Variants in MEGF8 observed in about 807,000 individuals in gnomAD.
MEGF8 encodes multiple EGF like domains 8.
A neutral mutation model predicts 302.9 loss-of-function variants in MEGF8; 156 were observed. The ratio of observed to expected loss-of-function variants is 0.52; its 90% CI spans 0.45 to 0.59. The LOEUF (loss-of-function observed/expected upper bound fraction) is 0.59, where lower values mean the gene tolerates loss of function less well. MEGF8 is among the 20% of genes least tolerant of loss of function. The pLI is 0.00. For missense variants in MEGF8, 3,345 were observed against 3,964.5 expected (o/e 0.84, Z 4.20); for synonymous variants, 1,621 against 1,660.5 (o/e 0.98, Z 0.58).
At position 42,368,476 on chromosome 19, in the gene MEGF8, C is replaced by T. The variant is rs1471300485; in HGVS notation, c.6295C>T (p.Pro2099Ser). ...ACAGTGTCTGAGCCCTTCCTACCTG[C>T]CCCTGCGATGTATGGCCGGAGGCTG... ...LQQCLSPSYL[P>S]LRCMAGGCGR... The change falls in exon 36 of 42, where the codon CCC (proline) becomes TCC (serine). Residue 2099 changes from proline (P) to serine (S), a missense_variant. By Grantham distance (74) the Pro-to-Ser change is moderately conservative. Transcript: ENST00000251268. This position sits in a 1 kb window ranked among gnomAD's most constrained non-coding sequence, Gnocchi z 4.9. The T allele has an allele frequency of 4.3e-6, 7 of 1,609,254 alleles. No homozygotes were observed. The highest frequency in any genetic ancestry group is 5.9e-6 in the Non-Finnish European group (7 of 1,178,494).
chr19:42,344,335 A>G lies in MEGF8; in HGVS notation c.1789-106A>G. On this transcript the variant is annotated intron_variant, in intron 10 of 41. Coordinates refer to ENST00000251268, the MANE Select transcript of MEGF8 (RefSeq NM_001271938.2). This position sits in a 1 kb window ranked among gnomAD's most constrained non-coding sequence, Gnocchi z 4.5. ...ATTCCAAGTCAACTCCCCGTTCTTC[A>G]GTTTTTTCGCCCTTTCCATCGCAGG... 7.0e-7 allele frequency: 1 copy of G among 1,431,808 alleles called. No homozygotes were observed. The highest frequency in any genetic ancestry group is 2.3e-5 in the East Asian group (1 of 42,620). The allele number at this position is 1,431,808 out of a possible 1,614,324, so 88.7% of individuals were successfully genotyped here.
rs1568566751 is a variant in MEGF8 at position 42,352,909 on chromosome 19, C to CCCCA, written c.3351-18_3351-15dup. 6.4e-7 allele frequency: 1 copy of CCCCA among 1,565,416 alleles called. No homozygotes were observed. Among genetic ancestry groups the CCCCA allele is most frequent in the Admixed American group, 1.9e-5 (1 of 53,688 alleles). On this transcript the variant is annotated intron_variant, in intron 19 of 41. Coordinates refer to ENST00000251268, the MANE Select transcript of MEGF8 (RefSeq NM_001271938.2). This position sits in a 1 kb window ranked among gnomAD's most constrained non-coding sequence, Gnocchi z 4.4. ...TGGGCCTGCCTGGCGCTTTCCCCAC[C>CCCCA]CCCAACACGGCCCCTCAGGTGCTTG...
chr19:42,359,853 ATTT>A (rs891961465), intron 31 of MEGF8, among the ~76,000 whole-genome samples: 2 of 125,422 alleles, frequency 1.6e-5, no homozygotes, highest in African/African-American at 6.3e-5. Flanking sequence ...CGCCTGGATA[ATTT>A]TTTTTTTTTT....
rs566045123 is a variant in MEGF8 at position 42,355,780 on chromosome 19, G to A, written c.4167G>A (p.Glu1389=). The part of the protein sequence containing the change: ...ALSGLLVLHW[E]ANGSSSWGFN... ...CAGGGCTGCTCGTGCTGCACTGGGA[G>A]GCCAATGGCTCCTCATCCTGGGGCT... The change falls in exon 24 of 42, where the codon GAG becomes GAA. Residue 1389 remains glutamate, a synonymous_variant. Coordinates refer to ENST00000251268, the MANE Select transcript of MEGF8 (RefSeq NM_001271938.2). 20 of 1,582,154 alleles carry A rather than the reference G, an allele frequency of 1.3e-5. No homozygotes were observed. In the South Asian group the frequency reaches 2.3e-4, roughly 18 times the overall value.
chr19:42,339,509 T>C (rs578145052), intron 8 of MEGF8, among the ~76,000 whole-genome samples: 2 of 152,356 alleles, frequency 1.3e-5, no homozygotes, highest in East Asian at 1.9e-4. Context: ...GCCACGTGTA[T>C]GTCTTCTTTT....
chr19:42,369,559 G>T lies in MEGF8; in HGVS notation c.6670G>T (p.Ala2224Ser), dbSNP rs767906925. The T allele has an allele frequency of 6.8e-6, 11 of 1,610,480 alleles. No homozygotes were observed. Among genetic ancestry groups the T allele is most frequent in the Non-Finnish European group, 9.3e-6 (11 of 1,179,684 alleles). ...GACAGGGCTGTGCCGCCCTGTGTGC[G>T]CCCAGGGCTGCGTGAACGGCTCATG... ...NMTGLCRPVC[A>S]QGCVNGSCVE... The change falls in exon 38 of 42, where the codon GCC becomes TCC. Residue 2224 changes from alanine to serine, a missense_variant. Physicochemically the swap from Ala to Ser is moderately conservative, Grantham distance 99 (BLOSUM62 1). Transcript: ENST00000251268. The surrounding 1 kb of genome is among the most constrained non-coding windows in gnomAD (Gnocchi z 5.7).
At chr19:42,342,178 C>T (rs2039223926) in intron 8 of MEGF8, among the ~76,000 whole-genome samples, 1 of 152,190 alleles carries the variant, frequency 6.6e-6, no homozygotes, top group Non-Finnish European at 1.5e-5. Flanking sequence ...TTCTGGAGGC[C>T]TCTTCCTGCT....
rs1261047497 is a variant in MEGF8 at position 42,369,028 on chromosome 19, C to T, written c.6641+26C>T. ...GTGAGGCCGCAGGCGGCGCTGGGGC[C>T]AGGCAGGCTAGGGTGGGAGAGTCTG... On this transcript the variant is annotated intron_variant, in intron 37 of 41. Transcript: ENST00000251268. The surrounding 1 kb of genome is among the most constrained non-coding windows in gnomAD (Gnocchi z 5.7). 1.2e-6 allele frequency: 2 copies of T among 1,609,782 alleles called. No individual in the cohort carries two copies. The highest frequency in any genetic ancestry group is 2.2e-5 in the East Asian group (1 of 44,870).
chr19:42,326,572 C>A, intron 1 of MEGF8, 142 bp downstream of exon 1: 1 of 1,348,028 alleles, frequency 7.4e-7, no homozygotes, highest in Non-Finnish European at 9.7e-7. Context: ...TTGCAGCCAA[C>A]CTGGGCCCTG....
chr19:42,332,443 C>T (rs1281161733), intron 1 of MEGF8, among the ~76,000 whole-genome samples: 2 of 152,148 alleles, frequency 1.3e-5, no homozygotes, highest in Admixed American at 1.3e-4. Context: ...TCTCGGCTCA[C>T]TGCAACCTCT....
At position 42,334,177 on chromosome 19, in the gene MEGF8, C is replaced by G; in HGVS notation, c.522C>G (p.Cys174Trp). Residue 174 changes from cysteine to tryptophan, a missense_variant, in exon 3 of 42, where the codon TGC (cysteine) becomes TGG (tryptophan). Coordinates refer to ENST00000251268, the MANE Select transcript of MEGF8 (RefSeq NM_001271938.2). ...WGGPDCGLQE[C>W]SAYCGSHGTC... ...GTCCTGACTGTGGCCTGCAGGAGTG[C>G]TCAGCCTACTGTGGCAGCCACGGCA... 6.2e-7 allele frequency: 1 copy of G among 1,609,366 alleles called. No homozygotes were observed. The highest frequency in any genetic ancestry group is 8.5e-7 in the Non-Finnish European group (1 of 1,178,456).
In MEGF8 at chr19:42,336,203, C is replaced by T. The variant is rs764552930; in HGVS notation, c.1101C>T (p.Arg367=). Residue 367 remains arginine (R), a synonymous_variant, in exon 6 of 42, where the codon CGC becomes CGT. Transcript: ENST00000251268. This position sits in a 1 kb window ranked among gnomAD's most constrained non-coding sequence, Gnocchi z 4.8. ...TCTCCTCTGGCCTCTTCCGTTTCCG[C>T]CTTGACAGCACCAGCGGGGGCTATT... ...DLFSSGLFRF[R]LDSTSGGYWE... The T allele has an allele frequency of 2.5e-5, 40 of 1,610,338 alleles. No individual in the cohort carries two copies. The highest frequency in any genetic ancestry group is 3.4e-6 in the Non-Finnish European group (4 of 1,179,884).
At position 42,369,543 on chromosome 19, in the gene MEGF8, G is replaced by A. The variant is rs774170306; in HGVS notation, c.6654G>A (p.Leu2218=). 10 of 1,608,378 alleles carry A rather than the reference G, an allele frequency of 6.2e-6. No individual in the cohort carries two copies. In the Admixed American group the frequency reaches 6.7e-5, roughly 11 times the overall value. The change falls in exon 38 of 42, where the codon CTG becomes CTA. Residue 2218 remains leucine (L), a synonymous_variant. Transcript: ENST00000251268. This position sits in a 1 kb window ranked among gnomAD's most constrained non-coding sequence, Gnocchi z 5.7. The part of the protein sequence containing the change: ...TGYTMDNMTG[L]CRPVCAQGCV... ...TTTGCCCCTGCAGCATGACAGGGCT[G>A]TGCCGCCCTGTGTGCGCCCAGGGCT...
chr19:42,337,001 CA>C (rs753055017), intron 7 of MEGF8, 49 bp downstream of exon 7: 8 of 1,613,322 alleles, frequency 5.0e-6, no homozygotes, highest in Non-Finnish European at 6.8e-6. Flanking sequence ...GGGCCTGAGC[CA>C]ACCCTGAGCT....
chr19:42,375,701 C>T lies in MEGF8; in HGVS notation c.7464C>T (p.Asp2488=), dbSNP rs1300711578. Reference sequence around the variant, plus strand: ...TGCAGCCCAAATTCACCAACGTGGACATCCGCCTGACGCTGGACGTGACCT... The same window carrying T: ...TGCAGCCCAAATTCACCAACGTGGATATCCGCCTGACGCTGGACGTGACCT... The part of the protein sequence containing the change: ...FGVQPKFTNV[D]IRLTLDVTFG... Residue 2488 remains aspartate (D), a synonymous_variant, in exon 42 of 42, where the codon GAC becomes GAT. Transcript: ENST00000251268. This position sits in a 1 kb window ranked among gnomAD's most constrained non-coding sequence, Gnocchi z 7.1. 7 of 1,611,042 alleles carry T rather than the reference C, an allele frequency of 4.3e-6. No individual in the cohort carries two copies. The Admixed American group carries it at 6.7e-5, about 15-fold the overall frequency.
At position 42,354,516 on chromosome 19, in the gene MEGF8, C is replaced by A; in HGVS notation, c.4012-72C>A. The A allele has an allele frequency of 6.5e-7, 1 of 1,531,914 alleles. No homozygotes were observed. The highest frequency in any genetic ancestry group is 1.4e-5 in the African/African-American group (1 of 73,406). The allele number at this position is 1,531,914 out of a possible 1,614,324, so 94.9% of individuals were successfully genotyped here. The stretch of plus-strand genomic sequence containing the variant: ...CAGATTGCCCTCCCCTCTTGAACCC[C>A]TCCTCCTCCCAGACCCCAGGTGTCG... On this transcript the variant is annotated intron_variant, in intron 22 of 41. Transcript: ENST00000251268. This position sits in a 1 kb window ranked among gnomAD's most constrained non-coding sequence, Gnocchi z 4.3.
At chr19:42,335,431 G>C in intron 5 of MEGF8, 46 bp downstream of exon 5, 2 of 1,588,590 alleles carry the variant, frequency 1.3e-6, no homozygotes, top group Non-Finnish European at 1.7e-6. Flanking sequence ...CACTCAATCA[G>C]ACCCAGCCGG....
At chr19:42,365,773 A>T (rs1400385747) in intron 35 of MEGF8, among the ~76,000 whole-genome samples, 2 of 94,638 alleles carry the variant, frequency 2.1e-5, no homozygotes, top group South Asian at 3.7e-4. Flanking sequence ...CCCCGTCTCT[A>T]AAAAAAAAAA....
rs1216731800 is a variant in MEGF8, at chr19:42,371,444, A to G, written c.7231A>G (p.Ser2411Gly). Residue 2411 changes from serine (S) to glycine (G), a missense_variant, in exon 41 of 42, where the codon AGC becomes GGC. Physicochemically the swap from Ser to Gly is moderately conservative, Grantham distance 56 (BLOSUM62 0). Transcript: ENST00000251268. ...CACAGAGACGGGCACATGCCAGGGCAGCTCCCCCAGTGACCGTCGAGACTG... is the reference window on the plus strand; with the variant it reads ...CACAGAGACGGGCACATGCCAGGGCGGCTCCCCCAGTGACCGTCGAGACTG... ...NNTETGTCQG[S>G]SPSDRRDCYK... The G allele has an allele frequency of 1.2e-6, 2 of 1,613,932 alleles. No homozygotes were observed. The highest frequency in any genetic ancestry group is 1.7e-6 in the Non-Finnish European group (2 of 1,179,880).
Sources: gnomAD v4.1 joint callset for allele counts (sites outside exome capture counted in the v4.1 genomes callset) on GRCh38, gnomAD v4.1.1 for gene constraint, Gnocchi (gnomAD v3.1) non-coding constraint, MANE v1.5 for transcripts, NCBI Gene and HGNC (gene_info 2026-07-23, HGNC 2026-07-21) for gene names.